The following GRXCR1 variants were observed in gnomAD, a reference collection of about 807,000 sequenced individuals.
GRXCR1 encodes glutaredoxin domain-containing cysteine-rich protein 1.
GRXCR1 carries 27 observed loss-of-function variants against 27.3 expected under a neutral mutation model. That is an observed-to-expected ratio of 0.99 (90% CI 0.73 to 1.37). The LOEUF is 1.37. Ranked by LOEUF, GRXCR1 falls within the 40% of genes most tolerant of loss-of-function variation. The probability of loss-of-function intolerance (pLI) is 0.00; values close to 1 mark genes in which losing one functional copy is unlikely to be tolerated. For missense variants in GRXCR1, 379 were observed against 354.4 expected (o/e 1.07, Z -0.56); for synonymous variants, 122 against 131.1 (o/e 0.93, Z 0.47).
chr4:43,020,556 T>G, intron 3 of GRXCR1, 137 bp downstream of exon 3: 1 of 693,926 alleles, frequency 1.4e-6, no homozygotes, highest in Non-Finnish European at 2.6e-6. Flanking sequence ...GCAGTTTTAA[T>G]TTGATATCTT....
At chr4:42,925,283 G>T (rs1345744358) in intron 1 of GRXCR1, among the ~76,000 whole-genome samples, 2 of 151,952 alleles carry the variant, frequency 1.3e-5, no homozygotes, top group African/African-American at 4.8e-5. Context: ...ATTGGTTGGG[G>T]GGCATGAGTA....
At chr4:42,895,591 G>A (rs575295891) in intron 1 of GRXCR1, among the ~76,000 whole-genome samples, 125 of 152,250 alleles carry the variant, frequency 8.2e-4, no homozygotes, top group African/African-American at 3.0e-3. Context: ...GATCAGGGCT[G>A]CTAGTTGCAT....
At chr4:42,937,193 C>G (rs925887272) in intron 1 of GRXCR1, among the ~76,000 whole-genome samples, 2 of 151,876 alleles carry the variant, frequency 1.3e-5, no homozygotes, top group African/African-American at 4.8e-5. Context: ...TCTAATACCA[C>G]TTTATTTTGT....
chr4:42,894,698 C>T (rs371550695), intron 1 of GRXCR1, among the ~76,000 whole-genome samples: 3 of 151,872 alleles, frequency 2.0e-5, no homozygotes, highest in Non-Finnish European at 4.4e-5. Context: ...AGCAAAGGTT[C>T]TTTTTAATAT....
intron 2 of GRXCR1, among the ~76,000 whole-genome samples, chr4:42,995,448 T>G (rs773027041): frequency 3.9e-5 from 6 of 152,146 alleles, no homozygotes; most frequent in Non-Finnish European, 7.4e-5. Flanking sequence ...CATTTTTGTT[T>G]AAAAGGAAAA....
chr4:43,028,286 C>G (rs1472114934), intron 3 of GRXCR1, among the ~76,000 whole-genome samples: 1 of 152,184 alleles, frequency 6.6e-6, no homozygotes, highest in Non-Finnish European at 1.5e-5. Context: ...AATTTTCTAG[C>G]TTAAGTATGT....
intron 1 of GRXCR1, among the ~76,000 whole-genome samples, chr4:42,960,786 C>T (rs768640008): frequency 1.4e-4 from 22 of 151,746 alleles, no homozygotes; most frequent in Non-Finnish European, 2.9e-4. Flanking sequence ...CACAGGTGGC[C>T]AGTGGCAGAG....
chr4:43,004,236 T>A (rs941136966), intron 2 of GRXCR1, among the ~76,000 whole-genome samples: 1 of 152,216 alleles, frequency 6.6e-6, no homozygotes, highest in Admixed American at 6.5e-5. Context: ...GTGCAAGAGA[T>A]GAGAGTTAAG....
intron 1 of GRXCR1, among the ~76,000 whole-genome samples, chr4:42,960,526 G>T (rs1160387245): frequency 6.6e-6 from 1 of 151,726 alleles, no homozygotes; most frequent in Non-Finnish European, 1.5e-5. Context: ...CAATTACACT[G>T]ATTTTTTCCA....
chr4:42,955,977 T>G (rs190092166), intron 1 of GRXCR1, among the ~76,000 whole-genome samples: 1 of 152,184 alleles, frequency 6.6e-6, no homozygotes, highest in East Asian at 1.9e-4. Flanking sequence ...CAGGATTAGT[T>G]TCAGTGGATG....
intron 1 of GRXCR1, among the ~76,000 whole-genome samples, chr4:42,909,272 T>A (rs931875580): frequency 2.6e-5 from 4 of 152,144 alleles, no homozygotes; most frequent in African/African-American, 7.2e-5. Flanking sequence ...AAATAAGTTA[T>A]TAAACCCTTG....
chr4:42,958,736 A>T (rs897571692), intron 1 of GRXCR1, among the ~76,000 whole-genome samples: 1 of 152,006 alleles, frequency 6.6e-6, no homozygotes, highest in Admixed American at 6.6e-5. Flanking sequence ...AAATAATCCA[A>T]TTTAAAAAAT....
chr4:42,984,465 T>C (rs1711612314), intron 2 of GRXCR1, among the ~76,000 whole-genome samples: 1 of 152,228 alleles, frequency 6.6e-6, no homozygotes, highest in Non-Finnish European at 1.5e-5. Flanking sequence ...TCTTGATCCT[T>C]GTGGACATGT....
intron 2 of GRXCR1, among the ~76,000 whole-genome samples, chr4:43,013,972 G>A (rs1419719203): frequency 6.6e-6 from 1 of 151,182 alleles, no homozygotes; most frequent in African/African-American, 2.4e-5. Context: ...GAAAGAAGTG[G>A]CTCAGCACTA....
At chr4:42,977,886 G>A (rs556324285) in intron 2 of GRXCR1, among the ~76,000 whole-genome samples, 1 of 152,092 alleles carries the variant, frequency 6.6e-6, no homozygotes, top group South Asian at 2.1e-4. Context: ...TGCCCAGACT[G>A]TTGTGGAGAA....
chr4:42,932,432 C>CA (rs1747334100), intron 1 of GRXCR1, among the ~76,000 whole-genome samples: 1 of 84,452 alleles, frequency 1.2e-5, no homozygotes, highest in African/African-American at 4.5e-5. Context: ...ATTACTCCTC[C>CA]AGAATTTGTT....
intron 2 of GRXCR1, among the ~76,000 whole-genome samples, chr4:42,983,463 G>A (rs1251606172): frequency 4.0e-5 from 6 of 151,726 alleles, no homozygotes; most frequent in African/African-American, 1.5e-4. Context: ...CTGTAGCCTT[G>A]TAGTATAGTT....
intron 2 of GRXCR1, among the ~76,000 whole-genome samples, chr4:43,014,536 C>G (rs963242040): frequency 7.2e-5 from 11 of 152,138 alleles, no homozygotes; most frequent in Non-Finnish European, 1.6e-4. Context: ...GTCTTATGCT[C>G]CTGGTCCTCA....
intron 1 of GRXCR1, among the ~76,000 whole-genome samples, chr4:42,924,402 C>G (rs1191908550): frequency 6.6e-6 from 1 of 152,030 alleles, no homozygotes; most frequent in Non-Finnish European, 1.5e-5. Flanking sequence ...CAAAGTATCT[C>G]TGCAGGAGAG....
Sources: allele counts gnomAD v4.1 joint callset (sites outside exome capture counted in the v4.1 genomes callset), GRCh38; gene constraint gnomAD v4.1.1; transcripts MANE v1.5; gene names NCBI Gene and HGNC (gene_info 2026-07-23, HGNC 2026-07-21).